The following TMC5 variants were observed in gnomAD, a reference collection of about 807,000 sequenced individuals.
TMC5 encodes the protein transmembrane channel-like protein 5.
Under a neutral mutation model 110.5 loss-of-function variants are expected in TMC5, and 86 were observed. That is an observed-to-expected ratio of 0.78 (90% CI 0.65 to 0.93). The LOEUF is 0.93. Among genes scored for constraint, TMC5 ranks in the 40% least tolerant of loss-of-function variants. The probability of loss-of-function intolerance (pLI) is 0.00; values close to 1 mark genes in which losing one functional copy is unlikely to be tolerated. For synonymous variants in TMC5, 455 were observed against 439.5 expected (o/e 1.04, Z -0.44); for missense variants, 1,144 against 1,222.8 (o/e 0.94, Z 0.96).
At chr16:19,462,609 C>T (rs1267362872) in intron 6 of TMC5, 1 of 686,610 alleles carries the variant, frequency 1.5e-6, no homozygotes, top group Non-Finnish European at 2.6e-6. Flanking sequence ...TTTATAAAAC[C>T]ATCAGATCGG....
At chr16:19,494,086 G>A (rs1185620936) in intron 19 of TMC5, among the ~76,000 whole-genome samples, 176 bp from the exon 20 acceptor site, 1 of 152,092 alleles carries the variant, frequency 6.6e-6, no homozygotes, top group African/African-American at 2.4e-5. Context: ...GGATAATTTG[G>A]TTTTACTGTG....
intron 1 of TMC5, among the ~76,000 whole-genome samples, chr16:19,425,803 C>T (rs1172200849): frequency 6.6e-6 from 1 of 152,236 alleles, no homozygotes; most frequent in African/African-American, 2.4e-5. Flanking sequence ...TCTCCCACCT[C>T]AGCCTCCCAA....
chr16:19,463,862 G>A lies in TMC5; in HGVS notation c.1323G>A (p.Lys441=), dbSNP rs1038496106. Residue 441 remains lysine (K), a synonymous_variant, in exon 8 of 22, where the codon AAG becomes AAA. Transcript: ENST00000542583. ...WQKTLKIIGG[K]FGTSVLSYFN... is the part of the protein sequence containing the mutation. Reference sequence around the variant, plus strand: ...AGACGCTGAAGATCATTGGAGGCAAGTTTGGAACCAGCGTCCTCTCCTATT... The same window carrying A: ...AGACGCTGAAGATCATTGGAGGCAAATTTGGAACCAGCGTCCTCTCCTATT... 1.2e-6 allele frequency: 2 copies of A among 1,614,136 alleles called. No individual in the cohort carries two copies. The highest frequency in any genetic ancestry group is 1.3e-5 in the African/African-American group (1 of 74,940).
chr16:19,483,446 G>A (rs1375801311), intron 15 of TMC5, among the ~76,000 whole-genome samples: 3 of 152,154 alleles, frequency 2.0e-5, no homozygotes, highest in Non-Finnish European at 4.4e-5. Flanking sequence ...CACTGTGCTT[G>A]TCTGAACCTC....
chr16:19,462,847 G>A (rs1275288711), intron 6 of TMC5, among the ~76,000 whole-genome samples: 14 of 149,544 alleles, frequency 9.4e-5, no homozygotes, highest in South Asian at 8.4e-4. Context: ...GCAGTGAGCC[G>A]CCATCAGGCC....
chr16:19,449,348 T>A (rs917583156), intron 4 of TMC5, among the ~76,000 whole-genome samples, 194 bp from the exon 5 acceptor site: 18 of 152,198 alleles, frequency 1.2e-4, no homozygotes, highest in African/African-American at 4.1e-4. Flanking sequence ...TGATTATATT[T>A]AACAGCACTG....
chr16:19,415,697 A>G (rs907447585), upstream of TMC5, among the ~76,000 whole-genome samples: 26 of 152,202 alleles, frequency 1.7e-4, no homozygotes, highest in African/African-American at 6.0e-4. Flanking sequence ...CTAGAGTCAA[A>G]TGCTGCCAGG....
chr16:19,461,901 A>G (rs777944869), intron 6 of TMC5, among the ~76,000 whole-genome samples: 2 of 152,178 alleles, frequency 1.3e-5, no homozygotes, highest in Non-Finnish European at 2.9e-5. Flanking sequence ...GCCAAGTCAA[A>G]ATAGAGATTG....
At chr16:19,420,905 A>C (rs544810014) in intron 1 of TMC5, among the ~76,000 whole-genome samples, 28 of 152,336 alleles carry the variant, frequency 1.8e-4, no homozygotes, top group African/African-American at 6.5e-4. Context: ...TCCAAAGGAG[A>C]AATGGAATTT....
rs924888735 is a variant in TMC5 at position 19,449,698 on chromosome 16, C to T, written c.1048+67C>T. The T allele has an allele frequency of 9.2e-6, 13 of 1,407,818 alleles. No homozygotes were observed. In the African/African-American group the frequency reaches 1.1e-4, roughly 12 times the overall value. The allele number at this position is 1,407,818 out of a possible 1,614,324, so 87.2% of individuals were successfully genotyped here. On this transcript the variant is annotated intron_variant, in intron 5 of 21. Coordinates refer to ENST00000542583, the MANE Select transcript of TMC5 (RefSeq NM_001261841.2). ...ATTTCAAATTGTAATCCCCATGTGT[C>T]GGGGGAGAGACCTGGTGGGAGGTGA...
At chr16:19,480,399 T>C (rs1441849091) in intron 14 of TMC5, among the ~76,000 whole-genome samples, 1 of 152,196 alleles carries the variant, frequency 6.6e-6, no homozygotes, top group African/African-American at 2.4e-5. Flanking sequence ...AGTAATAAGA[T>C]GGTCTGATGT....
At chr16:19,464,758 C>A (rs1320132336) in intron 8 of TMC5, among the ~76,000 whole-genome samples, 1 of 150,910 alleles carries the variant, frequency 6.6e-6, no homozygotes, top group Non-Finnish European at 1.5e-5. Flanking sequence ...TGAAAAATTC[C>A]TACTATAGAA....
intron 2 of TMC5, among the ~76,000 whole-genome samples, chr16:19,434,938 G>A (rs1457452657): frequency 6.6e-6 from 1 of 152,076 alleles, no homozygotes; most frequent in Admixed American, 6.6e-5. Flanking sequence ...CTGACACCAA[G>A]GGCTGGGTTC....
intron 6 of TMC5, among the ~76,000 whole-genome samples, chr16:19,461,305 G>C (rs1008331468): frequency 6.6e-6 from 1 of 152,228 alleles, no homozygotes; most frequent in Non-Finnish European, 1.5e-5. Flanking sequence ...GACTAGTGCA[G>C]TGGCTCATGC....
chr16:19,488,286 C>T (rs1047449918), intron 17 of TMC5, among the ~76,000 whole-genome samples: 3 of 152,120 alleles, frequency 2.0e-5, no homozygotes, highest in African/African-American at 7.2e-5. Context: ...AACCAACAGA[C>T]ACTAAAAGCC....
intron 2 of TMC5, among the ~76,000 whole-genome samples, chr16:19,431,491 G>T (rs1305308147): frequency 6.6e-6 from 1 of 151,314 alleles, no homozygotes; most frequent in Admixed American, 6.6e-5. Flanking sequence ...GCTGTGAGCC[G>T]AGATCGTGCC....
chr16:19,475,802 C>CTTTTTTTT (rs1032784346), intron 12 of TMC5, among the ~76,000 whole-genome samples: 2 of 127,356 alleles, frequency 1.6e-5, no homozygotes, highest in Non-Finnish European at 1.7e-5. Context: ...AATTTTCTTT[C>CTTTTTTTT]TTTTTTTTTT....
intron 19 of TMC5, among the ~76,000 whole-genome samples, chr16:19,492,560 C>T (rs985966241): frequency 6.6e-6 from 1 of 151,950 alleles, no homozygotes; most frequent in Admixed American, 6.6e-5. Flanking sequence ...ATTCTCCTGC[C>T]CCAACCTCCC....
chr16:19,428,171 C>T (rs1255005918), intron 1 of TMC5, among the ~76,000 whole-genome samples: 2 of 152,140 alleles, frequency 1.3e-5, no homozygotes, highest in Non-Finnish European at 2.9e-5. Context: ...TGATAGGCTT[C>T]AAACATCCAT....
Sources: allele counts gnomAD v4.1 joint callset (sites outside exome capture counted in the v4.1 genomes callset), GRCh38; gene constraint gnomAD v4.1.1; transcripts MANE v1.5; gene names NCBI Gene and HGNC (gene_info 2026-07-23, HGNC 2026-07-21).